The following IL1RAPL2 variants were observed in gnomAD, a reference collection of about 807,000 sequenced individuals.
The protein encoded by IL1RAPL2 is X-linked interleukin-1 receptor accessory protein-like 2.
In IL1RAPL2, 3 loss-of-function variants were observed where a neutral mutation model predicts 44.1. The observed-to-expected ratio is 0.07, with a 90% CI of 0.03 to 0.18. The LOEUF (loss-of-function observed/expected upper bound fraction) is 0.18. IL1RAPL2 is among the 10% of genes least tolerant of loss of function. The pLI is 1.00. For missense variants in IL1RAPL2, 391 were observed against 496.4 expected (o/e 0.79, Z 2.02); for synonymous variants, 181 against 178.8 (o/e 1.01, Z -0.10).
chrX:105,082,395 T>G (rs1345730344), intron 2 of IL1RAPL2, among the ~76,000 whole-genome samples: 4 of 111,803 alleles, frequency 3.6e-5, no homozygotes, highest in African/African-American at 1.3e-4. Flanking sequence ...GCTAGCGGTC[T>G]ATTTTGTTGA....
At chrX:105,732,012 A>C (rs2147567407) in intron 7 of IL1RAPL2, among the ~76,000 whole-genome samples, 1 of 111,737 alleles carries the variant, frequency 8.9e-6, no homozygotes, top group Non-Finnish European at 1.9e-5. Context: ...AAATACCCTC[A>C]GTTGATTATT....
intron 6 of IL1RAPL2, among the ~76,000 whole-genome samples, chrX:105,537,130 G>T (rs187624484): frequency 3.7e-4 from 41 of 111,803 alleles, no homozygotes; most frequent in African/African-American, 1.3e-3. Context: ...TTGAATCATA[G>T]TTAGAAGGTC....
chrX:105,651,446 AT>A (rs749972530), intron 6 of IL1RAPL2, among the ~76,000 whole-genome samples: 16 of 112,130 alleles, frequency 1.4e-4, no homozygotes, highest in Non-Finnish European at 2.6e-4. Flanking sequence ...AACAGGATAG[AT>A]TCTGTCTTGT....
chrX:104,943,879 C>T (rs745613076), intron 2 of IL1RAPL2, among the ~76,000 whole-genome samples: 9 of 111,879 alleles, frequency 8.0e-5, no homozygotes, highest in Admixed American at 1.9e-4. Context: ...TTCACTGTGC[C>T]GGAAATTAAG....
intron 5 of IL1RAPL2, among the ~76,000 whole-genome samples, chrX:105,358,712 AAAAG>A (rs1295069632): frequency 1.8e-5 from 2 of 109,638 alleles, no homozygotes; most frequent in African/African-American, 6.6e-5. Context: ...CAAAAAAAAA[AAAAG>A]AAAAAGAAAA....
intron 2 of IL1RAPL2, among the ~76,000 whole-genome samples, chrX:104,904,305 T>C (rs1419410556): frequency 9.1e-6 from 1 of 110,345 alleles, no homozygotes; most frequent in African/African-American, 3.3e-5. Context: ...ATTATTCTTT[T>C]TTTCTCATTA....
intron 2 of IL1RAPL2, among the ~76,000 whole-genome samples, chrX:104,949,329 C>G (rs1324988363): frequency 4.5e-5 from 5 of 111,220 alleles, no homozygotes; most frequent in Non-Finnish European, 9.4e-5. Flanking sequence ...ATTAGTCTTG[C>G]TAGCAGTCTA....
intron 2 of IL1RAPL2, among the ~76,000 whole-genome samples, chrX:104,847,564 G>A (rs1369745682): frequency 9.0e-6 from 1 of 111,596 alleles, no homozygotes; most frequent in Non-Finnish European, 1.9e-5. Flanking sequence ...CTCTGTTTTG[G>A]TACCAGTACC....
intron 2 of IL1RAPL2, among the ~76,000 whole-genome samples, chrX:105,060,585 C>CTTTTTTTTTTTTTTTTTTTTTTTTTTT (rs1161187469): frequency 1.0e-4 from 7 of 70,172 alleles, no homozygotes; most frequent in Admixed American, 1.5e-4. Context: ...TTTTCTTTTT[C>CTTTTTTTTTTTTTTTTTTTTTTTTTTT]TTTTTTTTTT....
intron 4 of IL1RAPL2, among the ~76,000 whole-genome samples, chrX:105,243,997 A>C (rs7051383): frequency 0.17 from 18,806 of 111,171 alleles, 3,163 homozygotes; most frequent in African/African-American, 0.52. Flanking sequence ...ATATTGAAAT[A>C]TTTTTAGAAG....
At chrX:105,031,068 G>T (rs1329232256) in intron 2 of IL1RAPL2, among the ~76,000 whole-genome samples, 16 of 109,948 alleles carry the variant, frequency 1.5e-4, no homozygotes, top group Admixed American at 1.1e-3. Context: ...GTATAAGAAT[G>T]CTTGTGATTT....
chrX:104,840,816 C>T (rs760112394), intron 2 of IL1RAPL2, among the ~76,000 whole-genome samples: 48 of 109,676 alleles, frequency 4.4e-4, no homozygotes, highest in African/African-American at 1.3e-3. Context: ...CTGGGATTAC[C>T]GGCACATGCT....
rs186403013 is a variant in IL1RAPL2, at chrX:104,968,396, T to C, written c.83-227079T>C. On this transcript the variant is annotated intron_variant, in intron 2 of 10. Coordinates refer to ENST00000372582, the MANE Select transcript of IL1RAPL2 (RefSeq NM_017416.2). ...ACAAAGTAGGAATAGAAGCAACTGA[T>C]AAATTGTGTCTACAAAATAATCTGT... Among the ~76,000 whole-genome samples, 160 of 111,903 alleles carry C rather than the reference T, an allele frequency of 1.4e-3. 1 individual carries two copies. The highest frequency in any genetic ancestry group is 4.9e-3 in the African/African-American group (151 of 30,963).
At chrX:105,039,731 G>C (rs1023783950) in intron 2 of IL1RAPL2, among the ~76,000 whole-genome samples, 1 of 111,844 alleles carries the variant, frequency 8.9e-6, no homozygotes, top group Non-Finnish European at 1.9e-5. Context: ...CACTGACTTT[G>C]TATCCTGAGA....
intron 1 of IL1RAPL2, among the ~76,000 whole-genome samples, chrX:104,652,755 C>G (rs770517672): frequency 9.0e-6 from 1 of 111,707 alleles, no homozygotes; most frequent in Non-Finnish European, 1.9e-5. Context: ...GATTGTATAA[C>G]TTTTTAGCTG....
intron 2 of IL1RAPL2, among the ~76,000 whole-genome samples, chrX:104,959,359 A>G (rs1374673970): frequency 9.1e-6 from 1 of 110,043 alleles, no homozygotes; most frequent in Non-Finnish European, 1.9e-5. Context: ...GTGTAGGTCT[A>G]CTGCACGTAT....
At chrX:105,691,044 C>T (rs911565058) in intron 6 of IL1RAPL2, among the ~76,000 whole-genome samples, 15 of 111,223 alleles carry the variant, frequency 1.3e-4, no homozygotes, top group African/African-American at 4.2e-4. Context: ...GGGCCCCACC[C>T]ATATGACCTT....
chrX:104,752,965 A>G (rs1375195406), intron 2 of IL1RAPL2, among the ~76,000 whole-genome samples: 1 of 109,775 alleles, frequency 9.1e-6, no homozygotes. Flanking sequence ...TGCCCTGTAT[A>G]CATAAAATGA....
intron 2 of IL1RAPL2, among the ~76,000 whole-genome samples, chrX:105,063,727 G>T (rs2147533759): frequency 8.9e-6 from 1 of 112,256 alleles, no homozygotes; most frequent in African/African-American, 3.2e-5. Context: ...CTTGGATGTT[G>T]TAATCTAAGC....
Sources: gnomAD v4.1 joint callset for allele counts (sites outside exome capture counted in the v4.1 genomes callset) on GRCh38, gnomAD v4.1.1 for gene constraint, MANE v1.5 for transcripts, NCBI Gene and HGNC (gene_info 2026-07-23, HGNC 2026-07-21) for gene names.